Variants in IQCK observed in about 807,000 individuals in gnomAD.
The protein encoded by IQCK is IQ domain-containing protein K.
Under a neutral mutation model 28.1 loss-of-function variants are expected in IQCK, and 29 were observed. The observed-to-expected ratio is 1.03, with a 90% CI of 0.77 to 1.41. The LOEUF (loss-of-function observed/expected upper bound fraction) is 1.41, where lower values mean the gene tolerates loss of function less well. IQCK is among the 40% of genes most tolerant of loss of function. IQCK has a pLI of 0.00. For synonymous variants in IQCK, 113 were observed against 115.1 expected, an observed-to-expected ratio of 0.98 and a Z score of 0.12; for missense variants, 359 against 314.7, an observed-to-expected ratio of 1.14 and a Z score of -1.07.
At chr16:19,832,910 T>C (rs903338358) in intron 9 of IQCK, among the ~76,000 whole-genome samples, 21 of 152,216 alleles carry the variant, frequency 1.4e-4, no homozygotes, top group Admixed American at 1.2e-3. Flanking sequence ...AAGAACAGTA[T>C]GGGGGAAACC....
chr16:19,843,356 C>T (rs1429185857), intron 9 of IQCK, among the ~76,000 whole-genome samples: 1 of 152,160 alleles, frequency 6.6e-6, no homozygotes, highest in Admixed American at 6.5e-5. Context: ...ACCCTTTAGC[C>T]ATTATCTCCC....
At chr16:19,783,856 G>T (rs1444487151) in intron 6 of IQCK, among the ~76,000 whole-genome samples, 1 of 152,188 alleles carries the variant, frequency 6.6e-6, no homozygotes, top group Non-Finnish European at 1.5e-5. Context: ...AGATGTCGTT[G>T]TGATGCATAG....
At chr16:19,822,067 C>CAAAAAAAAAAAAAAAAAAAAAAAA (rs35060834) in intron 7 of IQCK, among the ~76,000 whole-genome samples, 2 of 64,624 alleles carry the variant, frequency 3.1e-5, no homozygotes, top group Non-Finnish European at 6.4e-5. Flanking sequence ...GACCCTGTCT[C>CAAAAAAAAAAAAAAAAAAAAAAAA]AAAAAAAAAA....
At chr16:19,858,405 A>G in exon 10 of IQCK, 1 of 498,924 alleles carries the variant, frequency 2.0e-6, no homozygotes, top group Non-Finnish European at 3.6e-6. Context: ...ACGACTTTCC[A>G]TGGCAGCCAT....
chr16:19,745,526 C>T (rs1217179501), intron 4 of IQCK, among the ~76,000 whole-genome samples: 1 of 152,100 alleles, frequency 6.6e-6, no homozygotes, highest in African/African-American at 2.4e-5. Flanking sequence ...TAATTAGAGC[C>T]GTGACTCAAC....
chr16:19,783,584 T>C (rs1184754489), intron 6 of IQCK, among the ~76,000 whole-genome samples: 1 of 152,192 alleles, frequency 6.6e-6, no homozygotes, highest in Non-Finnish European at 1.5e-5. Flanking sequence ...CCAGTTGCAC[T>C]GATTCCAAGA....
chr16:19,780,873 CTT>C (rs2055472911), intron 6 of IQCK, among the ~76,000 whole-genome samples: 1 of 152,160 alleles, frequency 6.6e-6, no homozygotes, highest in Non-Finnish European at 1.5e-5. Flanking sequence ...ATCAGCAGCT[CTT>C]GTTTTAATAT....
intron 4 of IQCK, among the ~76,000 whole-genome samples, chr16:19,743,705 T>A (rs899671423): frequency 1.3e-5 from 2 of 151,982 alleles, no homozygotes; most frequent in Admixed American, 1.3e-4. Flanking sequence ...TGTTCCAGAG[T>A]CTAAGAGTTT....
chr16:19,856,850 C>A, exon 10 of IQCK: 1 of 319,912 alleles, frequency 3.1e-6, no homozygotes, highest in Admixed American at 4.9e-5. Context: ...ACAATGAACT[C>A]TAGTCCCAAG....
chr16:19,742,732 T>G (rs2054854843), intron 4 of IQCK, among the ~76,000 whole-genome samples: 1 of 152,262 alleles, frequency 6.6e-6, no homozygotes, highest in African/African-American at 2.4e-5. Flanking sequence ...CGTTTTGCCC[T>G]TAAACTGCTG....
chr16:19,851,366 C>T (rs1256983560), intron 9 of IQCK, among the ~76,000 whole-genome samples: 1 of 152,128 alleles, frequency 6.6e-6, no homozygotes, highest in Non-Finnish European at 1.5e-5. Context: ...ATATTTTCAC[C>T]CCAGGTCATC....
intron 4 of IQCK, among the ~76,000 whole-genome samples, chr16:19,757,735 A>G (rs548165753): frequency 1.3e-5 from 2 of 152,224 alleles, no homozygotes; most frequent in African/African-American, 4.8e-5. Context: ...TTTTCCTCCT[A>G]TTTCCCTCTC....
intron 1 of IQCK, among the ~76,000 whole-genome samples, chr16:19,724,572 A>G (rs2091020553): frequency 6.6e-6 from 1 of 152,006 alleles, no homozygotes; most frequent in Non-Finnish European, 1.5e-5. Context: ...TCTGTCACCC[A>G]GGCTGCAGTG....
intron 9 of IQCK, among the ~76,000 whole-genome samples, chr16:19,833,130 C>T (rs1247855781): frequency 1.3e-5 from 2 of 152,168 alleles, no homozygotes; most frequent in African/African-American, 2.4e-5. Context: ...AAAATCTGCT[C>T]TCTTACCAAT....
chr16:19,737,315 A>G (rs983286752), intron 4 of IQCK, among the ~76,000 whole-genome samples: 5 of 152,130 alleles, frequency 3.3e-5, no homozygotes, highest in African/African-American at 1.2e-4. Context: ...AGAACTGCCT[A>G]CTGCCGTGCT....
chr16:19,780,562 G>A (rs1015433517), intron 6 of IQCK, among the ~76,000 whole-genome samples: 2 of 152,260 alleles, frequency 1.3e-5, no homozygotes, highest in Admixed American at 6.5e-5. Flanking sequence ...AACTGTCTAC[G>A]ATTCAGGGGT....
chr16:19,771,838 G>A (rs1369240543), intron 6 of IQCK, among the ~76,000 whole-genome samples: 2 of 152,176 alleles, frequency 1.3e-5, no homozygotes, highest in Non-Finnish European at 2.9e-5. Flanking sequence ...CATTCATGTA[G>A]GTGTGAAGGC....
chr16:19,835,348 T>C (rs981064135), intron 9 of IQCK, among the ~76,000 whole-genome samples: 2 of 152,268 alleles, frequency 1.3e-5, no homozygotes, highest in South Asian at 2.1e-4. Context: ...TGCTGTACTG[T>C]AACTGGCTTG....
At chr16:19,831,125 C>CT (rs2056227852), downstream of IQCK, among the ~76,000 whole-genome samples, 1 of 152,216 alleles carries the variant, frequency 6.6e-6, no homozygotes. Flanking sequence ...AGAGGAGAGC[C>CT]TGGGGCTGGG....
Sources: allele counts gnomAD v4.1 joint callset (sites outside exome capture counted in the v4.1 genomes callset), GRCh38; gene constraint gnomAD v4.1.1; transcripts MANE v1.5; gene names NCBI Gene and HGNC (gene_info 2026-07-23, HGNC 2026-07-21).